The following DYSF variants were observed in gnomAD, a reference collection of about 807,000 sequenced individuals.
DYSF encodes dystrophy-associated fer-1-like 1.
A neutral mutation model predicts 274.9 loss-of-function variants in DYSF; 212 were observed. The ratio of observed to expected loss-of-function variants is 0.77; its 90% CI spans 0.69 to 0.86. DYSF has a LOEUF of 0.86. DYSF is among the 40% of genes least tolerant of loss of function. The probability of loss-of-function intolerance (pLI) is 0.00; values close to 1 mark genes in which losing one functional copy is unlikely to be tolerated. For missense variants in DYSF, 2,666 were observed against 2,783.2 expected (o/e 0.96, Z 0.95); for synonymous variants, 1,091 against 1,078.7 (o/e 1.01, Z -0.22).
chr2:71,637,149 G>T (rs894497135), intron 41 of DYSF, among the ~76,000 whole-genome samples: 5 of 152,226 alleles, frequency 3.3e-5, no homozygotes, highest in African/African-American at 1.2e-4. Flanking sequence ...GGCAGAGAGA[G>T]AGACGTATTC....
intron 22 of DYSF, among the ~76,000 whole-genome samples, chr2:71,561,146 C>CCTA (rs887184643): frequency 1.3e-5 from 2 of 152,086 alleles, no homozygotes; most frequent in Non-Finnish European, 2.9e-5. Context: ...ATTGCATGTA[C>CCTA]CCCCCACCTC....
At chr2:71,560,603 A>C (rs2091674460) in intron 22 of DYSF, among the ~76,000 whole-genome samples, 1 of 152,150 alleles carries the variant, frequency 6.6e-6, no homozygotes, top group African/African-American at 2.4e-5. Flanking sequence ...CCCCATCCTA[A>C]AAATTCAATT....
At chr2:71,605,641 A>G (rs568920435) in intron 36 of DYSF, among the ~76,000 whole-genome samples, 18 of 151,932 alleles carry the variant, frequency 1.2e-4, no homozygotes, top group African/African-American at 1.9e-4. Context: ...GGCTGATTTT[A>G]CTGCCAGTTC....
At chr2:71,480,361 C>G (rs2082780390) in intron 1 of DYSF, among the ~76,000 whole-genome samples, 1 of 145,096 alleles carries the variant, frequency 6.9e-6, no homozygotes, top group Non-Finnish European at 1.5e-5. Flanking sequence ...TAGTGAGGCC[C>G]CCGTCTACAC....
chr2:71,522,847 G>A (rs148430001), intron 12 of DYSF, among the ~76,000 whole-genome samples: 1,549 of 152,238 alleles, frequency 0.01, 8 homozygotes, highest in Middle Eastern at 0.017. Context: ...CCAGAGGCCA[G>A]AGTTTCATTC....
chr2:71,491,304 T>G (rs2083834159), intron 3 of DYSF, among the ~76,000 whole-genome samples: 1 of 152,252 alleles, frequency 6.6e-6, no homozygotes, highest in African/African-American at 2.4e-5. Context: ...TAACCCTCAC[T>G]CTGTTCTATC....
chr2:71,504,197 C>T (rs1157568268), intron 4 of DYSF, among the ~76,000 whole-genome samples: 1 of 152,170 alleles, frequency 6.6e-6, no homozygotes, highest in African/African-American at 2.4e-5. Flanking sequence ...TAGTCAGTGG[C>T]TGTTCCCATG....
intron 23 of DYSF, among the ~76,000 whole-genome samples, chr2:71,562,593 A>G (rs2152804668): frequency 6.6e-6 from 1 of 152,288 alleles, no homozygotes; most frequent in African/African-American, 2.4e-5. Flanking sequence ...GCGTCTGCTC[A>G]TAAGTGTTGG....
chr2:71,520,091 T>C (rs2087090020), intron 10 of DYSF, 87 bp from the exon 11 acceptor site: 1 of 1,522,014 alleles, frequency 6.6e-7, no homozygotes, highest in Non-Finnish European at 9.1e-7. Flanking sequence ...AAAAACATGG[T>C]TTTTAATGGA....
At chr2:71,469,208 G>A (rs2081781638) in intron 1 of DYSF, among the ~76,000 whole-genome samples, 1 of 152,180 alleles carries the variant, frequency 6.6e-6, no homozygotes, top group Non-Finnish European at 1.5e-5. Flanking sequence ...AGCATTCACT[G>A]GGGAGTTTGG....
intron 32 of DYSF, among the ~76,000 whole-genome samples, chr2:71,593,625 G>C (rs1448388453): frequency 6.6e-6 from 1 of 152,220 alleles, no homozygotes; most frequent in Non-Finnish European, 1.5e-5. Flanking sequence ...CTGAACGGTA[G>C]CCTGAGCTGA....
At chr2:71,496,468 A>G (rs951873605) in intron 3 of DYSF, among the ~76,000 whole-genome samples, 5 of 152,150 alleles carry the variant, frequency 3.3e-5, no homozygotes, top group African/African-American at 1.2e-4. Flanking sequence ...AGGCAGGGTA[A>G]ACAGGCCTGG....
At chr2:71,555,009 G>T (rs1012566899) in intron 21 of DYSF, among the ~76,000 whole-genome samples, 4 of 152,150 alleles carry the variant, frequency 2.6e-5, no homozygotes, top group African/African-American at 4.8e-5. Flanking sequence ...AGATCAGCAG[G>T]TGGAGGGAAG....
At chr2:71,652,490 C>T (rs566237191) in intron 42 of DYSF, among the ~76,000 whole-genome samples, 88 of 152,212 alleles carry the variant, frequency 5.8e-4, no homozygotes, top group Non-Finnish European at 1.0e-3. Flanking sequence ...AAAGAAGCTT[C>T]ATGAGGAATA....
chr2:71,635,147 T>A (rs2094378522), intron 41 of DYSF, among the ~76,000 whole-genome samples: 1 of 152,208 alleles, frequency 6.6e-6, no homozygotes, highest in Non-Finnish European at 1.5e-5. Flanking sequence ...ACTTTGGAGC[T>A]GACCTGGAGG....
At chr2:71,685,142 CCA>C (rs1324473017) in intron 55 of DYSF, among the ~76,000 whole-genome samples, 3 of 152,166 alleles carry the variant, frequency 2.0e-5, no homozygotes, top group African/African-American at 7.2e-5. Context: ...GGAAAGATTT[CCA>C]GTCACTTCCA....
intron 40 of DYSF, among the ~76,000 whole-genome samples, chr2:71,617,751 GGGTAGAGGTGGTGTGTGT>G (rs755482784): frequency 0.054 from 4,898 of 91,402 alleles, 184 homozygotes; most frequent in African/African-American, 0.1. Context: ...TGTGTATGTG[GGGTAGAGGTGGTGTGTGT>G]GGTAGAGGTG....
At chr2:71,502,027 T>C (rs2085025588) in intron 3 of DYSF, among the ~76,000 whole-genome samples, 2 of 151,972 alleles carry the variant, frequency 1.3e-5, no homozygotes, top group South Asian at 4.1e-4. Flanking sequence ...TGCACAAGCA[T>C]TCCAGTTTCT....
chr2:71,611,578 C>T lies in DYSF; in HGVS notation c.4173C>T (p.Asn1391=). 1.2e-6 allele frequency: 2 copies of T among 1,614,128 alleles called. No homozygotes were observed. Among genetic ancestry groups the T allele is most frequent in the Non-Finnish European group, 8.5e-7 (1 of 1,180,024 alleles). Residue 1391 remains asparagine, a synonymous_variant, in exon 38 of 56, where the codon AAC becomes AAT. Coordinates refer to ENST00000410020, the MANE Select transcript of DYSF (RefSeq NM_001130987.2). ...GQTVQSCVIR[N]LRKNPNFDIC... Reference sequence around the variant, plus strand: ...CGGTGCAGTCCTGTGTCATCAGGAACCTCCGGAAGAACCCCAACTTTGACA... The same window carrying T: ...CGGTGCAGTCCTGTGTCATCAGGAATCTCCGGAAGAACCCCAACTTTGACA...
Sources: allele counts gnomAD v4.1 joint callset (sites outside exome capture counted in the v4.1 genomes callset), GRCh38; gene constraint gnomAD v4.1.1; transcripts MANE v1.5; gene names NCBI Gene and HGNC (gene_info 2026-07-23, HGNC 2026-07-21).